The following ATP11A variants were observed in gnomAD, a reference collection of about 807,000 sequenced individuals.
The protein encoded by ATP11A is ATPase phospholipid transporting 11A.
ATP11A carries 81 observed loss-of-function variants against 154.4 expected under a neutral mutation model. The ratio of observed to expected loss-of-function variants is 0.52; its 90% CI spans 0.44 to 0.63. The LOEUF (loss-of-function observed/expected upper bound fraction) is 0.63. Ranked by LOEUF, ATP11A falls within the 30% of genes least tolerant of loss-of-function variation. ATP11A has a pLI of 0.00. For synonymous variants in ATP11A, 623 were observed against 585.9 expected (o/e 1.06, Z -0.91); for missense variants, 1,316 against 1,474.3 (o/e 0.89, Z 1.76).
At chr13:112,835,423 C>T (rs965724026) in intron 15 of ATP11A, among the ~76,000 whole-genome samples, 6 of 152,236 alleles carry the variant, frequency 3.9e-5, no homozygotes, top group Admixed American at 2.0e-4. Context: ...CTTGATTCGG[C>T]GGGGCTCCTG....
At chr13:112,842,099 G>GT (rs1398463861) in intron 16 of ATP11A, among the ~76,000 whole-genome samples, 177 bp from the exon 17 acceptor site, 1 of 152,232 alleles carries the variant, frequency 6.6e-6, no homozygotes, top group Non-Finnish European at 1.5e-5. Context: ...GGCTTTGGAG[G>GT]TTATCTGTGG....
chr13:112,711,073 T>C (rs1203519334), intron 1 of ATP11A, among the ~76,000 whole-genome samples: 1 of 145,056 alleles, frequency 6.9e-6, no homozygotes, highest in Non-Finnish European at 1.5e-5. Context: ...GGCTGGCATG[T>C]TCGTATTTGG....
chr13:112,869,973 C>A (rs1241512611), intron 25 of ATP11A, among the ~76,000 whole-genome samples: 1 of 152,186 alleles, frequency 6.6e-6, no homozygotes, highest in Non-Finnish European at 1.5e-5. Context: ...AGCAGCCCCT[C>A]CACCCCCCCA....
chr13:112,862,741 C>T (rs1464068049), intron 25 of ATP11A, among the ~76,000 whole-genome samples, 166 bp downstream of exon 25: 5 of 149,542 alleles, frequency 3.3e-5, no homozygotes, highest in Non-Finnish European at 5.9e-5. Flanking sequence ...AGCTTCCCAG[C>T]GGGGTCCATC....
At chr13:112,793,507 G>A (rs912085120) in intron 2 of ATP11A, among the ~76,000 whole-genome samples, 3 of 152,168 alleles carry the variant, frequency 2.0e-5, no homozygotes, top group Admixed American at 6.6e-5. Context: ...CCATCCAGGG[G>A]CACGTTTCTT....
In ATP11A at chr13:112,762,225, C is replaced by T. The variant is rs1232505912; in HGVS notation, c.40-22910C>T. Among the ~76,000 whole-genome samples, 7 of 152,138 alleles carry T rather than the reference C, an allele frequency of 4.6e-5. No homozygotes were observed. In the South Asian group the frequency reaches 1.0e-3, roughly 23 times the overall value. On this transcript the variant is annotated intron_variant, in intron 1 of 29. Transcript: ENST00000375645. ...CCCAGCTCAGGGTGGGCTTCTGGGC[C>T]GGGTCCTGCTGGCCTCCTATCACAG...
rs1158473942 is a variant in ATP11A, at chr13:112,696,357, C to T, written c.39+5902C>T. Reference sequence around the variant, plus strand: ...GGAGAGTGGGTGACCTTGCCCTGCTCTCCCGGGGAGAGCGGTGGTCACTGG... The same window carrying T: ...GGAGAGTGGGTGACCTTGCCCTGCTTTCCCGGGGAGAGCGGTGGTCACTGG... On this transcript the variant is annotated intron_variant, in intron 1 of 29. Coordinates refer to ENST00000375645, the MANE Select transcript of ATP11A (RefSeq NM_015205.3). The surrounding 1 kb of genome is among the most constrained non-coding windows in gnomAD (Gnocchi z 6.2). Among the ~76,000 whole-genome samples, 1 of 152,160 alleles carries T rather than the reference C, an allele frequency of 6.6e-6. No individual in the cohort carries two copies. The highest frequency in any genetic ancestry group is 6.5e-5 in the Admixed American group (1 of 15,284).
At chr13:112,880,259 A>G (rs2080844850) in intron 29 of ATP11A, 1 of 160,062 alleles carries the variant, frequency 6.2e-6, no homozygotes, top group Admixed American at 6.3e-5. Flanking sequence ...CTTCCAGCCG[A>G]GGGACCTCAG....
intron 1 of ATP11A, among the ~76,000 whole-genome samples, chr13:112,777,508 G>A (rs532477490): frequency 5.4e-4 from 83 of 152,304 alleles, no homozygotes; most frequent in South Asian, 2.1e-3. Context: ...AGGTTGCAGT[G>A]TGCCGAGATC....
chr13:112,821,513 C>T (rs969025223), intron 8 of ATP11A, among the ~76,000 whole-genome samples: 2 of 152,088 alleles, frequency 1.3e-5, no homozygotes, highest in African/African-American at 4.8e-5. Context: ...GGGGTTTTGC[C>T]ATGTCGGTCA....
chr13:112,856,289 T>C, intron 20 of ATP11A: 1 of 508,676 alleles, frequency 2.0e-6, no homozygotes, highest in Admixed American at 3.8e-5. Flanking sequence ...TGATGACCAG[T>C]CAGATGTATG....
At chr13:112,772,285 A>G (rs1211861112) in intron 1 of ATP11A, among the ~76,000 whole-genome samples, 1 of 152,250 alleles carries the variant, frequency 6.6e-6, no homozygotes, top group Non-Finnish European at 1.5e-5. Context: ...ACGTTTGTGC[A>G]GAAGATGGGC....
At chr13:112,837,779 G>T (rs950021496) in intron 16 of ATP11A, among the ~76,000 whole-genome samples, 1 of 151,958 alleles carries the variant, frequency 6.6e-6, no homozygotes, top group Non-Finnish European at 1.5e-5. Flanking sequence ...CAGTGCCGTC[G>T]GGCACCCTTC....
rs1292568603 is a variant in ATP11A at position 112,883,603 on chromosome 13, A to G, written c.*1737A>G. 1.3e-5 allele frequency: 2 copies of G among 157,672 alleles called. No homozygotes were observed. The highest frequency in any genetic ancestry group is 4.8e-5 in the African/African-American group (2 of 41,724). The allele number at this position is 157,672 out of a possible 1,614,324, so 9.8% of individuals were successfully genotyped here. A position where few individuals can be genotyped will look rare whatever the true frequency, so the allele number is the denominator to read the frequency against. On this transcript the variant is annotated 3_prime_UTR_variant, in exon 30 of 30. Coordinates refer to ENST00000375645, the MANE Select transcript of ATP11A (RefSeq NM_015205.3). ...AGTAGAGGGTAAATCAGCGGTAAGA[A>G]CAGTGAACACAGTGGTTGGGATAAA...
intron 25 of ATP11A, among the ~76,000 whole-genome samples, chr13:112,869,474 C>T (rs979074710): frequency 3.9e-5 from 6 of 152,310 alleles, no homozygotes; most frequent in East Asian, 1.9e-4. Flanking sequence ...GTGAGGAGGC[C>T]GTGTGAGTTG....
chr13:112,723,350 C>T (rs1377823177), intron 1 of ATP11A, among the ~76,000 whole-genome samples: 2 of 102,896 alleles, frequency 1.9e-5, no homozygotes, highest in Non-Finnish European at 4.0e-5. Flanking sequence ...CGGCTCACTG[C>T]ACCCTCCGCC....
Position 112,854,542 on chromosome 13 carries a change from G to T in ATP11A, c.2243+12G>T. ...GACAACCTGTCCGGGTAGGCAGCGCGTCCCCGCCCCCACCCCCACACTCCC... is the reference window on the plus strand; with the variant it reads ...GACAACCTGTCCGGGTAGGCAGCGCTTCCCCGCCCCCACCCCCACACTCCC... On this transcript the variant is annotated intron_variant, in intron 19 of 29. Coordinates refer to ENST00000375645, the MANE Select transcript of ATP11A (RefSeq NM_015205.3). 6.3e-7 allele frequency: 1 copy of T among 1,598,906 alleles called. No homozygotes were observed. The highest frequency in any genetic ancestry group is 8.5e-7 in the Non-Finnish European group (1 of 1,175,396).
chr13:112,816,171 A>G lies in ATP11A; in HGVS notation c.530A>G (p.His177Arg). The change falls in exon 6 of 30, where the codon CAC (histidine) becomes CGC (arginine). Residue 177 changes from histidine (H) to arginine (R), a missense_variant. Physicochemically the swap from His to Arg is conservative, Grantham distance 29. Transcript: ENST00000375645. ...AGCAACCGGGGAGATGGGACGTGCC[A>G]CGTCACCACCGCCAGCTTGGATGGA... is the stretch of plus-strand genomic sequence containing the variant. ...LSSNRGDGTC[H>R]VTTASLDGES... 1 of 1,614,122 alleles carries G rather than the reference A, an allele frequency of 6.2e-7. No individual in the cohort carries two copies. The highest frequency in any genetic ancestry group is 1.3e-5 in the African/African-American group (1 of 75,014).
Position 112,724,404 on chromosome 13 carries a change from C to T in ATP11A, c.39+33949C>T, listed in dbSNP as rs1889583831. ...GAAGGACTCGCGGAACTCAGGAGGT[C>T]ACTGTGCTGAAGACAAGGGGCTTAT... On this transcript the variant is annotated intron_variant, in intron 1 of 29. Coordinates refer to ENST00000375645, the MANE Select transcript of ATP11A (RefSeq NM_015205.3). 9.2e-5 allele frequency among the ~76,000 whole-genome samples: 14 copies of T among 152,104 alleles called. 1 individual carries two copies. In the South Asian group the frequency reaches 2.9e-3, roughly 32 times the overall value.
Sources: gnomAD v4.1 joint callset for allele counts (sites outside exome capture counted in the v4.1 genomes callset) on GRCh38, gnomAD v4.1.1 for gene constraint, Gnocchi (gnomAD v3.1) non-coding constraint, MANE v1.5 for transcripts, NCBI Gene and HGNC (gene_info 2026-07-23, HGNC 2026-07-21) for gene names.